The following TANC2 variants were observed in gnomAD, a reference collection of about 807,000 sequenced individuals.
TANC2 encodes protein TANC2.
A neutral mutation model predicts 210.5 loss-of-function variants in TANC2; 26 were observed. The ratio of observed to expected loss-of-function variants is 0.12; its 90% CI spans 0.09 to 0.17. The LOEUF (loss-of-function observed/expected upper bound fraction) is 0.17, where lower values mean the gene tolerates loss of function less well. TANC2 is among the 10% of genes least tolerant of loss of function. The pLI is 1.00. For synonymous variants in TANC2, 931 were observed against 967.1 expected (o/e 0.96, Z 0.69); for missense variants, 2,129 against 2,608.9 (o/e 0.82, Z 4.01).
chr17:63,013,954 G>A (rs572033701), intron 2 of TANC2, among the ~76,000 whole-genome samples: 6 of 151,488 alleles, frequency 4.0e-5, no homozygotes, highest in East Asian at 3.9e-4. Flanking sequence ...TAGACCATAC[G>A]CATATCATCT....
At chr17:63,309,438 G>A (rs1432154654) in intron 9 of TANC2, among the ~76,000 whole-genome samples, 2 of 151,880 alleles carry the variant, frequency 1.3e-5, no homozygotes, top group African/African-American at 4.8e-5. Context: ...TATTTATTTG[G>A]TTATGTCAAA....
At chr17:63,265,068 A>T in intron 8 of TANC2, among the ~76,000 whole-genome samples, 1 of 152,232 alleles carries the variant, frequency 6.6e-6, no homozygotes, top group East Asian at 1.9e-4. Flanking sequence ...AATAGTCGCA[A>T]CAGTTTCTGA....
chr17:63,362,609 A>G (rs2046998706), intron 14 of TANC2, among the ~76,000 whole-genome samples: 1 of 152,238 alleles, frequency 6.6e-6, no homozygotes, highest in Admixed American at 6.5e-5. Flanking sequence ...GTCAGCACCC[A>G]AAGTCCAGAG....
At chr17:63,344,426 G>C (rs139364472) in intron 12 of TANC2, among the ~76,000 whole-genome samples, 3 of 152,300 alleles carry the variant, frequency 2.0e-5, no homozygotes, top group African/African-American at 4.8e-5. Flanking sequence ...CTAAGGTCAA[G>C]AGCAAGACAA....
intron 12 of TANC2, among the ~76,000 whole-genome samples, chr17:63,343,189 A>AT (rs2046295387): frequency 6.6e-6 from 1 of 152,246 alleles, no homozygotes; most frequent in Non-Finnish European, 1.5e-5. Flanking sequence ...GTCAGACTGG[A>AT]TAAAAAGCAA....
intron 15 of TANC2, among the ~76,000 whole-genome samples, chr17:63,382,727 T>G (rs2047652360): frequency 6.6e-6 from 1 of 152,234 alleles, no homozygotes; most frequent in South Asian, 2.1e-4. Flanking sequence ...CTAAATGTGT[T>G]GGGATTTAGC....
At chr17:63,055,650 C>CT (rs369794571) in intron 2 of TANC2, among the ~76,000 whole-genome samples, 4,875 of 138,578 alleles carry the variant, frequency 0.035, 100 homozygotes, top group African/African-American at 0.044. Context: ...AACATCTTCA[C>CT]TTTTTTTTTT....
At chr17:63,205,390 T>TAAAAA (rs2041677830) in intron 7 of TANC2, among the ~76,000 whole-genome samples, 1 of 29,942 alleles carries the variant, frequency 3.3e-5, no homozygotes, top group African/African-American at 1.5e-4. Context: ...CACCGAAAAC[T>TAAAAA]ACAAAACATT....
intron 1 of TANC2, among the ~76,000 whole-genome samples, chr17:62,972,359 T>G (rs2031749253): frequency 6.6e-6 from 1 of 152,202 alleles, no homozygotes; most frequent in Admixed American, 6.5e-5. Flanking sequence ...TATTATGCCT[T>G]TTCTTCCCCG....
chr17:63,100,313 C>G (rs138956391), intron 4 of TANC2, among the ~76,000 whole-genome samples: 1 of 152,056 alleles, frequency 6.6e-6, no homozygotes, highest in Non-Finnish European at 1.5e-5. Flanking sequence ...AAAATAATAG[C>G]ATTTCTTCTA....
chr17:63,015,028 GT>G (rs1266499039), intron 2 of TANC2, among the ~76,000 whole-genome samples: 6 of 151,810 alleles, frequency 4.0e-5, no homozygotes, highest in African/African-American at 7.3e-5. Flanking sequence ...TATTATTACA[GT>G]TTTTTTCCTT....
intron 15 of TANC2, among the ~76,000 whole-genome samples, chr17:63,380,236 A>G (rs2047562274): frequency 6.6e-6 from 1 of 152,200 alleles, no homozygotes; most frequent in Admixed American, 6.5e-5. Flanking sequence ...TCCTGGTGCT[A>G]TGACTTTCAA....
intron 8 of TANC2, among the ~76,000 whole-genome samples, chr17:63,266,903 G>A (rs2146264644): frequency 6.6e-6 from 1 of 152,166 alleles, no homozygotes; most frequent in Non-Finnish European, 1.5e-5. Flanking sequence ...AGTCTGTAGT[G>A]CAATGGCATG....
At chr17:63,058,744 T>A (rs184708695) in intron 2 of TANC2, among the ~76,000 whole-genome samples, 1 of 152,344 alleles carries the variant, frequency 6.6e-6, no homozygotes. Context: ...ATGTGTGGCC[T>A]TATTTCTGGG....
chr17:63,420,397 G>C lies in TANC2; in HGVS notation c.4667G>C (p.Ser1556Thr). ...CAGGTTTTTGACTTCCGGTCCAGTA[G>C]TTCTGTAGGCTCTCCCACTAGACAG... The change falls in exon 28 of 28, where the codon AGT (serine) becomes ACT (threonine). Residue 1556 changes from serine (S) to threonine (T), a missense_variant. Ser to Thr is a moderately conservative substitution (Grantham distance 58). Transcript: ENST00000689528. This position sits in a 1 kb window ranked among gnomAD's most constrained non-coding sequence, Gnocchi z 4.2. 2 of 1,613,906 alleles carry C rather than the reference G, an allele frequency of 1.2e-6. No individual in the cohort carries two copies. Among genetic ancestry groups the C allele is most frequent in the Non-Finnish European group, 1.7e-6 (2 of 1,179,880 alleles).
chr17:63,344,651 C>G (rs1021130220), intron 12 of TANC2, among the ~76,000 whole-genome samples: 1 of 152,160 alleles, frequency 6.6e-6, no homozygotes, highest in African/African-American at 2.4e-5. Flanking sequence ...AAGCACAAAG[C>G]TTTAGGCTAT....
chr17:63,002,436 A>G (rs1316440917), intron 1 of TANC2, among the ~76,000 whole-genome samples: 3 of 152,220 alleles, frequency 2.0e-5, no homozygotes, highest in East Asian at 1.9e-4. Flanking sequence ...CTGCCTCTCT[A>G]TGCCTCCATC....
At chr17:63,350,894 A>C (rs1411935878) in intron 12 of TANC2, among the ~76,000 whole-genome samples, 1 of 143,866 alleles carries the variant, frequency 7.0e-6, no homozygotes, top group Non-Finnish European at 1.5e-5. Context: ...AAAAAAAAAA[A>C]CAGAACATGT....
chr17:63,130,829 G>A (rs1567749383), intron 4 of TANC2: 1 of 152,146 alleles, frequency 6.6e-6, no homozygotes, highest in Admixed American at 6.5e-5. Context: ...ATTTAGAGCT[G>A]CTTGTGGTAA....
Sources: allele counts gnomAD v4.1 joint callset (sites outside exome capture counted in the v4.1 genomes callset), GRCh38; gene constraint gnomAD v4.1.1; non-coding constraint Gnocchi (gnomAD v3.1); transcripts MANE v1.5; gene names NCBI Gene and HGNC (gene_info 2026-07-23, HGNC 2026-07-21).